Variants in DDX31 observed in about 807,000 individuals in gnomAD.
The protein encoded by DDX31 is ATP-dependent DNA helicase DDX31.
A neutral mutation model predicts 91.3 loss-of-function variants in DDX31; 70 were observed. The observed-to-expected ratio is 0.77, with a 90% CI of 0.63 to 0.94. The LOEUF (loss-of-function observed/expected upper bound fraction) is 0.94. DDX31 is among the 40% of genes least tolerant of loss of function. The pLI is 0.00. For synonymous variants in DDX31, 362 were observed against 350.6 expected (o/e 1.03, Z -0.36); for missense variants, 902 against 925.0 (o/e 0.98, Z 0.32).
intron 19 of DDX31, among the ~76,000 whole-genome samples, chr9:132,609,484 G>A (rs571245971): frequency 6.6e-6 from 1 of 152,280 alleles, no homozygotes; most frequent in African/African-American, 2.4e-5. Context: ...TCCAAGATCT[G>A]GGCCGGTCTG....
intron 1 of DDX31, chr9:132,663,378 T>C: frequency 2.0e-6 from 2 of 985,392 alleles, no homozygotes; most frequent in East Asian, 1.1e-4. Flanking sequence ...CTACCTCCCT[T>C]GCCTTTCGAG....
chr9:132,608,662 G>A (rs973538942), intron 19 of DDX31, among the ~76,000 whole-genome samples: 26 of 152,166 alleles, frequency 1.7e-4, no homozygotes, highest in Admixed American at 1.7e-3. Context: ...ACCGTAAAAT[G>A]GAATGCAGAA....
At chr9:132,636,448 C>T (rs10435975) in intron 14 of DDX31, among the ~76,000 whole-genome samples, 29,168 of 152,192 alleles carry the variant, frequency 0.19, 3,591 homozygotes, top group East Asian at 0.42. Context: ...GCTTCACAGA[C>T]GTGCCTTGTA....
Position 132,593,048 on chromosome 9 carries a change from C to T in DDX31, c.*1818G>A, listed in dbSNP as rs552228339. 2 of 152,240 alleles carry T rather than the reference C, an allele frequency of 1.3e-5. No homozygotes were observed. The highest frequency in any genetic ancestry group is 4.8e-5 in the African/African-American group (2 of 41,524). The allele number at this position is 152,240 out of a possible 1,614,324, so 9.4% of individuals were successfully genotyped here. On this transcript the variant is annotated 3_prime_UTR_variant, in exon 20 of 20. Transcript: ENST00000372159. Reference sequence around the variant, plus strand: ...GTTATTTAAATTTAAACAATATTAACCTTAAATCTGCTAAATCCATGTTTC... The same window carrying T: ...GTTATTTAAATTTAAACAATATTAATCTTAAATCTGCTAAATCCATGTTTC...
Position 132,646,978 on chromosome 9 carries a change from G to A in DDX31, c.1048C>T (p.Pro350Ser), listed in dbSNP as rs1391956623. Residue 350 changes from proline to serine, a missense_variant, in exon 12 of 20, where the codon CCA (proline) becomes TCA (serine). Transcript: ENST00000372159. ...VLDKSHDQLNPKDKAVQEVCP... is the reference protein window; with the variant it reads ...VLDKSHDQLNSKDKAVQEVCP... ...ACCTCCTGGACCGCTTTGTCCTTTG[G>A]GTTCAACTGGTCATGGCTCTTGTCC... 6.2e-7 allele frequency: 1 copy of A among 1,614,150 alleles called. No individual in the cohort carries two copies. The highest frequency in any genetic ancestry group is 1.7e-5 in the Admixed American group (1 of 60,020).
At chr9:132,603,189 A>C (rs1830816093) in intron 19 of DDX31, among the ~76,000 whole-genome samples, 1 of 152,254 alleles carries the variant, frequency 6.6e-6, no homozygotes, top group Non-Finnish European at 1.5e-5. Flanking sequence ...TAAAACTGAC[A>C]TGCACAAAGT....
chr9:132,662,948 T>TAAATC (rs1835075964), intron 1 of DDX31, among the ~76,000 whole-genome samples: 1 of 152,186 alleles, frequency 6.6e-6, no homozygotes, highest in Non-Finnish European at 1.5e-5. Flanking sequence ...TCTTAACTGT[T>TAAATC]AAATCAATCA....
chr9:132,624,386 G>A (rs1468980324), intron 17 of DDX31, among the ~76,000 whole-genome samples: 1 of 152,106 alleles, frequency 6.6e-6, no homozygotes, highest in Non-Finnish European at 1.5e-5. Flanking sequence ...GACCAATGGA[G>A]TCTTTAACAG....
At chr9:132,613,698 G>T (rs964045006) in intron 18 of DDX31, among the ~76,000 whole-genome samples, 4 of 152,152 alleles carry the variant, frequency 2.6e-5, no homozygotes, top group Non-Finnish European at 4.4e-5. Flanking sequence ...CTGTCTCAAG[G>T]AAAACTAAAT....
At chr9:132,597,571 C>T (rs1035391260) in intron 19 of DDX31, among the ~76,000 whole-genome samples, 4 of 152,220 alleles carry the variant, frequency 2.6e-5, no homozygotes, top group South Asian at 2.1e-4. Context: ...CTCCTGCTAC[C>T]GCTAAGGCAA....
intron 1 of DDX31, 84 bp downstream of exon 1, chr9:132,669,776 G>GCTTA: frequency 2.6e-6 from 4 of 1,519,726 alleles, no homozygotes; most frequent in East Asian, 4.9e-5. Flanking sequence ...CTCGAAACCC[G>GCTTA]ACTCCAAGGC....
At chr9:132,606,017 G>A (rs1589969626) in intron 19 of DDX31, among the ~76,000 whole-genome samples, 1 of 152,168 alleles carries the variant, frequency 6.6e-6, no homozygotes, top group East Asian at 1.9e-4. Context: ...ACAGCGTTTG[G>A]GAAGCGGAGG....
At chr9:132,645,519 TAC>T (rs1205909102) in intron 13 of DDX31, among the ~76,000 whole-genome samples, 1 of 152,134 alleles carries the variant, frequency 6.6e-6, no homozygotes, top group African/African-American at 2.4e-5. Context: ...AAGCCCTAAT[TAC>T]ACACTGGGTA....
chr9:132,612,405 C>A, intron 18 of DDX31, 150 bp from the exon 19 acceptor site: 1 of 821,988 alleles, frequency 1.2e-6, no homozygotes, highest in South Asian at 1.7e-5. Context: ...CAACTAAAAT[C>A]TAGACTTCTG....
intron 1 of DDX31, chr9:132,663,073 G>A: frequency 2.3e-6 from 2 of 870,274 alleles, no homozygotes; most frequent in East Asian, 6.0e-5. Context: ...CATATTCCTA[G>A]GAACCCATTC....
chr9:132,648,135 G>C (rs1165637902), intron 11 of DDX31, 54 bp downstream of exon 11: 7 of 1,452,852 alleles, frequency 4.8e-6, no homozygotes, highest in Middle Eastern at 2.3e-4. Flanking sequence ...TTAAATCTAG[G>C]TCCTTCCTCT....
intron 17 of DDX31, among the ~76,000 whole-genome samples, chr9:132,624,780 C>T (rs1290587328): frequency 2.0e-5 from 3 of 152,220 alleles, no homozygotes; most frequent in Non-Finnish European, 2.9e-5. Context: ...CCTGGTATTA[C>T]ATACATTTCC....
chr9:132,621,755 T>C (rs1832046901), intron 17 of DDX31, among the ~76,000 whole-genome samples: 1 of 152,248 alleles, frequency 6.6e-6, no homozygotes, highest in Non-Finnish European at 1.5e-5. Flanking sequence ...ATCTACTTTA[T>C]TCTTCTTACT....
intron 1 of DDX31, among the ~76,000 whole-genome samples, chr9:132,666,085 C>G (rs1835288138): frequency 6.6e-6 from 1 of 152,208 alleles, no homozygotes; most frequent in South Asian, 2.1e-4. Context: ...GTTTTTTATA[C>G]ATAGTGCGAG....
Sources: gnomAD v4.1 joint callset for allele counts (sites outside exome capture counted in the v4.1 genomes callset) on GRCh38, gnomAD v4.1.1 for gene constraint, MANE v1.5 for transcripts, NCBI Gene and HGNC (gene_info 2026-07-23, HGNC 2026-07-21) for gene names.